NFATC2IP: variants seen among roughly 807,000 people sequenced by gnomAD.
NFATC2IP encodes the protein nuclear factor of activated T cells 2 interacting protein, also known as NFATC2-interacting protein.
A neutral mutation model predicts 40.2 loss-of-function variants in NFATC2IP; 25 were observed. The observed-to-expected ratio is 0.62, with a 90% CI of 0.45 to 0.87. The LOEUF is 0.87. Among genes scored for constraint, NFATC2IP ranks in the 40% least tolerant of loss-of-function variants. NFATC2IP has a pLI of 0.00. For missense variants in NFATC2IP, 553 were observed against 555.6 expected (o/e 1.00, Z 0.05); for synonymous variants, 241 against 236.3 (o/e 1.02, Z -0.18).
intron 2 of NFATC2IP, 58 bp from the exon 3 acceptor site, chr16:28,954,507 G>T (rs1964999120): frequency 2.6e-6 from 3 of 1,151,750 alleles, no homozygotes; most frequent in Admixed American, 1.9e-5. Flanking sequence ...GTTTCTTCTT[G>T]GCCTTCGCTG....
chr16:28,954,036 T>C (rs753736450), intron 2 of NFATC2IP, among the ~76,000 whole-genome samples: 1 of 152,162 alleles, frequency 6.6e-6, no homozygotes, highest in Non-Finnish European at 1.5e-5. Context: ...GGAAAATTCT[T>C]TGGTGTTGGA....
In NFATC2IP at chr16:28,963,721, C is replaced by A. The variant is rs760322504; in HGVS notation, c.1118C>A (p.Thr373Asn). 4.3e-6 allele frequency: 7 copies of A among 1,614,024 alleles called. No individual in the cohort carries two copies. Among genetic ancestry groups the A allele is most frequent in the East Asian group, 2.2e-5 (1 of 44,886 alleles). ...TCCATCCAGGATTCCCCTCTAAAGA[C>A]CCTCATGTCCCACTATGAGGAGGCC... ...VSLSRDSPLK[T>N]LMSHYEEAMG... is the part of the protein sequence containing the mutation. The change falls in exon 8 of 8, where the codon ACC becomes AAC. Residue 373 changes from threonine to asparagine, a missense_variant. Coordinates refer to ENST00000320805, the MANE Select transcript of NFATC2IP (RefSeq NM_032815.4).
At chr16:28,951,986 C>G in intron 1 of NFATC2IP, 146 bp from the exon 2 acceptor site, 2 of 947,666 alleles carry the variant, frequency 2.1e-6, no homozygotes, top group South Asian at 3.1e-5. Context: ...GGAAGCTGGA[C>G]TTCTAGGTTG....
rs756217870 is a variant in NFATC2IP, at chr16:28,956,040, G to A, written c.641G>A (p.Arg214Gln). The A allele has an allele frequency of 1.9e-5, 30 of 1,613,896 alleles. No homozygotes were observed. Among genetic ancestry groups the A allele is most frequent in the South Asian group, 3.3e-5 (3 of 91,068 alleles). The change falls in exon 4 of 8, where the codon CGG becomes CAG. Residue 214 changes from arginine (R) to glutamine (Q), a missense_variant. Arg to Gln is a conservative substitution (Grantham distance 43). Coordinates refer to ENST00000320805, the MANE Select transcript of NFATC2IP (RefSeq NM_032815.4). ...AGGACCAAAAGCAGAACGCATACTC[G>A]GGCACTCAAGAAGTTAAGGTGCCAA... is the stretch of plus-strand genomic sequence containing the variant. ...SPRTKSRTHTRALKKLSEVNK... is the reference protein window; with the variant it reads ...SPRTKSRTHTQALKKLSEVNK...
chr16:28,961,014 C>T (rs1364164244), intron 7 of NFATC2IP, among the ~76,000 whole-genome samples: 2 of 151,994 alleles, frequency 1.3e-5, no homozygotes, highest in Admixed American at 1.3e-4. Context: ...CTAGGTTTTT[C>T]CTAACATACA....
chr16:28,956,094 G>A, intron 4 of NFATC2IP, 36 bp downstream of exon 4: 1 of 1,613,490 alleles, frequency 6.2e-7, no homozygotes, highest in Non-Finnish European at 8.5e-7. Context: ...GGATGGAAGA[G>A]GGCAATCCGG....
chr16:28,958,573 A>G (rs1567513609), intron 5 of NFATC2IP, 144 bp from the exon 6 acceptor site: 2 of 712,646 alleles, frequency 2.8e-6, no homozygotes, highest in East Asian at 2.5e-5. Context: ...ATTTTATTCT[A>G]TACCTTGCCA....
At position 28,965,577 on chromosome 16, in the gene NFATC2IP, C is replaced by G. The variant is rs548761020; in HGVS notation, c.*1714C>G. ...GCATGGTGGCGCACACCTGTAGTCC[C>G]AGCTACTCTGGAGGCTGAGGCAGGG... On this transcript the variant is annotated 3_prime_UTR_variant, in exon 8 of 8. Transcript: ENST00000320805. The G allele has an allele frequency of 5.3e-5, 8 of 152,270 alleles. No homozygotes were observed. In the East Asian group the frequency reaches 1.5e-3, roughly 29 times the overall value. The allele number at this position is 152,270 out of a possible 1,614,324, so 9.4% of individuals were successfully genotyped here.
At position 28,954,560 on chromosome 16, in the gene NFATC2IP, C is replaced by T. The variant is rs1009723949; in HGVS notation, c.461-5C>T. 3 of 1,592,490 alleles carry T rather than the reference C, an allele frequency of 1.9e-6. No individual in the cohort carries two copies. Among genetic ancestry groups the T allele is most frequent in the Non-Finnish European group, 2.6e-6 (3 of 1,160,996 alleles). On this transcript the variant is annotated splice_polypyrimidine_tract_variant and splice_region_variant and intron_variant, in intron 2 of 7. Coordinates refer to ENST00000320805, the MANE Select transcript of NFATC2IP (RefSeq NM_032815.4). The stretch of plus-strand genomic sequence containing the variant: ...CCCTTCTACCTTCTCTTCCTCTGCC[C>T]CCAGAGGCAGAGCTGGCAGATTCGA...
rs753211635 is a variant in NFATC2IP, at chr16:28,956,152, G to C, written c.661G>C (p.Glu221Gln). 6.2e-7 allele frequency: 1 copy of C among 1,614,052 alleles called. No homozygotes were observed. Among genetic ancestry groups the C allele is most frequent in the East Asian group, 2.2e-5 (1 of 44,878 alleles). The change falls in exon 5 of 8, where the codon GAG (glutamate) becomes CAG (glutamine). Residue 221 changes from glutamate to glutamine, a missense_variant and splice_region_variant. Transcript: ENST00000320805. ...CCCAGAGTCCTGTCTGCACTGCAGTGAGGTGAACAAGCGCCTCCAGGATCT... is the reference window on the plus strand; with the variant it reads ...CCCAGAGTCCTGTCTGCACTGCAGTCAGGTGAACAAGCGCCTCCAGGATCT... ...THTRALKKLS[E>Q]VNKRLQDLRS...
rs750425794 is a variant in NFATC2IP at position 28,959,016 on chromosome 16, A to C, written c.1017A>C (p.Pro339=). ...ACTGTGTGGTACTAACAAGTTCTCCAGAGGCCACAGAGACGTCCCAACAGC... is the reference window on the plus strand; with the variant it reads ...ACTGTGTGGTACTAACAAGTTCTCCCGAGGCCACAGAGACGTCCCAACAGC... The part of the protein sequence containing the change: ...IIDCVVLTSS[P]EATETSQQLQ... Residue 339 remains proline (P), a synonymous_variant, in exon 7 of 8, where the codon CCA becomes CCC. Transcript: ENST00000320805. 6.2e-7 allele frequency: 1 copy of C among 1,613,958 alleles called. No individual in the cohort carries two copies. The highest frequency in any genetic ancestry group is 8.5e-7 in the Non-Finnish European group (1 of 1,179,856).
rs745826887 is a variant in NFATC2IP at position 28,963,845 on chromosome 16, C to T, written c.1242C>T (p.Leu414=). ...PADLGMESGD[L]IEVWG is the part of the protein sequence containing the mutation. Reference sequence around the variant, plus strand: ...ACCTGGGCATGGAATCTGGGGACCTCATTGAGGTCTGGGGCTGACACCCCA... The same window carrying T: ...ACCTGGGCATGGAATCTGGGGACCTTATTGAGGTCTGGGGCTGACACCCCA... The change falls in exon 8 of 8, where the codon CTC becomes CTT. Residue 414 remains leucine (L), a synonymous_variant. Coordinates refer to ENST00000320805, the MANE Select transcript of NFATC2IP (RefSeq NM_032815.4). 3.1e-6 allele frequency: 5 copies of T among 1,614,232 alleles called. No individual in the cohort carries two copies. In the South Asian group the frequency reaches 5.5e-5, roughly 18 times the overall value.
intron 1 of NFATC2IP, 127 bp downstream of exon 1, chr16:28,951,525 G>A: frequency 1.0e-6 from 1 of 971,172 alleles, no homozygotes; most frequent in Non-Finnish European, 1.4e-6. Context: ...TGGTCCTCGG[G>A]CGTTAGGGTG....
intron 2 of NFATC2IP, chr16:28,952,481 C>T (rs906361962): frequency 2.4e-6 from 1 of 411,964 alleles, no homozygotes; most frequent in Non-Finnish European, 4.4e-6. Context: ...CTTGTTACAT[C>T]TGCAGCAAGT....
At chr16:28,956,409 T>C in intron 5 of NFATC2IP, 72 bp downstream of exon 5, 2 of 1,183,072 alleles carry the variant, frequency 1.7e-6, no homozygotes, top group African/African-American at 3.0e-5. Context: ...CCAGCAGGGG[T>C]GTCCTGGCAG....
chr16:28,958,635 A>C, intron 5 of NFATC2IP, 82 bp from the exon 6 acceptor site: 14 of 1,189,400 alleles, frequency 1.2e-5, no homozygotes, highest in Admixed American at 2.1e-5. Flanking sequence ...AGCTAAGGCC[A>C]GAGCTTGTGT....
At position 28,963,966 on chromosome 16, in the gene NFATC2IP, A is replaced by G; in HGVS notation, c.*103A>G. ...ATAAGCTGAGGTAGAACTTATCTTTAAGCTGCAGCAAAATCAAGGAGTGAC... is the reference window on the plus strand; with the variant it reads ...ATAAGCTGAGGTAGAACTTATCTTTGAGCTGCAGCAAAATCAAGGAGTGAC... On this transcript the variant is annotated 3_prime_UTR_variant, in exon 8 of 8. Coordinates refer to ENST00000320805, the MANE Select transcript of NFATC2IP (RefSeq NM_032815.4). 1 of 1,065,826 alleles carries G rather than the reference A, an allele frequency of 9.4e-7. No individual in the cohort carries two copies. The highest frequency in any genetic ancestry group is 1.4e-6 in the Non-Finnish European group (1 of 736,414). 66.0% of individuals were successfully genotyped at this position (1,065,826 alleles called of 1,614,324 possible). A position where few individuals can be genotyped will look rare whatever the true frequency, so the allele number is the denominator to read the frequency against.
At chr16:28,963,640 C>T (rs1965112378) in intron 7 of NFATC2IP, 65 bp from the exon 8 acceptor site, 5 of 1,467,288 alleles carry the variant, frequency 3.4e-6, no homozygotes, top group Non-Finnish European at 4.7e-6. Flanking sequence ...AGTTCCTCGT[C>T]TATCCCTACG....
At chr16:28,952,315 TG>T in intron 2 of NFATC2IP, 111 bp downstream of exon 2, 1 of 1,524,020 alleles carries the variant, frequency 6.6e-7, no homozygotes, top group Non-Finnish European at 8.8e-7. Context: ...GGGAAGAGCG[TG>T]GGAGAGGGGA....
Sources: allele counts gnomAD v4.1 joint callset (sites outside exome capture counted in the v4.1 genomes callset), GRCh38; gene constraint gnomAD v4.1.1; transcripts MANE v1.5; gene names NCBI Gene and HGNC (gene_info 2026-07-23, HGNC 2026-07-21).